The following BAD variants were observed in gnomAD, a reference collection of about 807,000 sequenced individuals.
The protein encoded by BAD is BCL2 associated agonist of cell death.
A neutral mutation model predicts 17.8 loss-of-function variants in BAD; 18 were observed. The observed-to-expected ratio is 1.01, with a 90% CI of 0.70 to 1.50. The LOEUF is 1.50. BAD is among the 40% of genes most tolerant of loss of function. The pLI is 0.00. For missense variants in BAD, 294 were observed against 239.3 expected (o/e 1.23, Z -1.51); for synonymous variants, 112 against 91.5 (o/e 1.22, Z -1.28).
intron 2 of BAD, chr11:64,276,833 G>C (rs1288039460): frequency 1.4e-6 from 1 of 709,018 alleles, no homozygotes; most frequent in Non-Finnish European, 2.6e-6. Flanking sequence ...CCTAGAGCCT[G>C]GCCCGGAGCT....
chr11:64,273,201 C>T (rs995823164), intron 2 of BAD, among the ~76,000 whole-genome samples: 27 of 151,998 alleles, frequency 1.8e-4, no homozygotes, highest in African/African-American at 5.8e-4. Context: ...GGTGAAACTC[C>T]GTCTCTACTA....
chr11:64,271,954 G>A (rs907602009), intron 2 of BAD, 151 bp from the exon 3 acceptor site: 2 of 518,868 alleles, frequency 3.9e-6, no homozygotes, highest in African/African-American at 4.0e-5. Context: ...CCAGTCCCTT[G>A]TATGTGAATC....
intron 3 of BAD, 126 bp downstream of exon 3, chr11:64,271,487 A>T (rs1035845915): frequency 8.0e-6 from 8 of 994,850 alleles, no homozygotes; most frequent in Non-Finnish European, 1.1e-5. Context: ...CTAGGAAGGA[A>T]CAGGACGGCT....
At chr11:64,280,162 AC>A (rs2033353069) in intron 2 of BAD, among the ~76,000 whole-genome samples, 1 of 150,576 alleles carries the variant, frequency 6.6e-6, no homozygotes, top group Non-Finnish European at 1.5e-5. Context: ...CTAAAAACAC[AC>A]AAAAAAATTA....
rs1008219417 is a variant in BAD, at chr11:64,269,845, G to A, written c.*364C>T. 25 of 695,586 alleles carry A rather than the reference G, an allele frequency of 3.6e-5. No individual in the cohort carries two copies. Among genetic ancestry groups the A allele is most frequent in the Admixed American group, 2.8e-4 (14 of 49,540 alleles). 43.1% of individuals were successfully genotyped at this position (695,586 alleles called of 1,614,324 possible). ...GAAAAGCCTCGGCGGCACAGACGCGGGCTTTATTAACATTTGGTAGTGAGC... is the reference window on the plus strand; with the variant it reads ...GAAAAGCCTCGGCGGCACAGACGCGAGCTTTATTAACATTTGGTAGTGAGC... On this transcript the variant is annotated 3_prime_UTR_variant, in exon 4 of 4. Coordinates refer to ENST00000309032, the MANE Select transcript of BAD (RefSeq NM_032989.3).
intron 2 of BAD, among the ~76,000 whole-genome samples, chr11:64,274,727 G>A (rs1279524601): frequency 5.3e-5 from 8 of 151,562 alleles, no homozygotes; most frequent in East Asian, 2.0e-4. Flanking sequence ...AGGCTGAGGC[G>A]GGAGAATCAC....
At chr11:64,280,006 A>C (rs997689969) in intron 2 of BAD, among the ~76,000 whole-genome samples, 5 of 151,870 alleles carry the variant, frequency 3.3e-5, no homozygotes, top group African/African-American at 1.2e-4. Context: ...CAACATAGCA[A>C]GACCTTGTCT....
intron 2 of BAD, among the ~76,000 whole-genome samples, chr11:64,280,358 A>ATAATT (rs1555069795): frequency 7.6e-6 from 1 of 132,312 alleles, no homozygotes. Context: ...AATAATAATA[A>ATAATT]TTTTTTTTTT....
At chr11:64,270,848 G>C (rs915901112) in intron 3 of BAD, among the ~76,000 whole-genome samples, 2 of 151,878 alleles carry the variant, frequency 1.3e-5, no homozygotes, top group Admixed American at 6.6e-5. Context: ...GGGAACCCAG[G>C]AGCTTTGGCC....
At chr11:64,270,436 G>T in intron 3 of BAD, 99 bp from the exon 4 acceptor site, 3 of 1,438,018 alleles carry the variant, frequency 2.1e-6, no homozygotes, top group Non-Finnish European at 2.8e-6. Context: ...AGATCGGGGG[G>T]GAGATAATGA....
chr11:64,283,596 A>G (rs2033629871), intron 2 of BAD, among the ~76,000 whole-genome samples: 1 of 152,220 alleles, frequency 6.6e-6, no homozygotes, highest in Non-Finnish European at 1.5e-5. Context: ...ACAGGGCAAG[A>G]AAGAACACAT....
In BAD at chr11:64,271,662, T is replaced by C. The variant is rs1565344892; in HGVS notation, c.329A>G (p.Tyr110Cys). 6.6e-7 allele frequency: 1 copy of C among 1,510,478 alleles called. No individual in the cohort carries two copies. The highest frequency in any genetic ancestry group is 1.2e-5 in the South Asian group (1 of 80,276). The allele number at this position is 1,510,478 out of a possible 1,614,324, so 93.6% of individuals were successfully genotyped here. Residue 110 changes from tyrosine to cysteine, a missense_variant, in exon 3 of 4, where the codon TAT becomes TGT. Transcript: ENST00000309032. ...APPNLWAAQR[Y>C]GRELRRMSDE... Reference sequence around the variant, plus strand: ...ACTCATCCTCCGGAGCTCGCGGCCATAGCGCTGTGCTGCCCAGAGGTTGGG... The same window carrying C: ...ACTCATCCTCCGGAGCTCGCGGCCACAGCGCTGTGCTGCCCAGAGGTTGGG...
rs199973522 is a variant in BAD at position 64,284,234 on chromosome 11, C to T, written c.135G>A (p.Leu45=). The T allele has an allele frequency of 6.2e-7, 1 of 1,608,314 alleles. No individual in the cohort carries two copies. The highest frequency in any genetic ancestry group is 1.3e-5 in the African/African-American group (1 of 74,860). Residue 45 remains leucine (L), a synonymous_variant, in exon 2 of 4, where the codon CTG becomes CTA. Transcript: ENST00000309032. ...GCTCCTGCTGGTGACTGGCGTCCCA[C>T]AGGAGGCCTGGGGCCTGGCGATGAT... The part of the protein sequence containing the change: ...GKHHRQAPGL[L]WDASHQQEQP...
intron 3 of BAD, 23 bp downstream of exon 3, chr11:64,271,590 G>T: frequency 7.1e-7 from 1 of 1,406,602 alleles, no homozygotes. Context: ...TCAGGTCCTG[G>T]CACGCTGGGG....
chr11:64,284,218 G>A lies in BAD; in HGVS notation c.151C>T (p.Gln51Ter). The change falls in exon 2 of 4, where the codon CAG (glutamine) becomes TAG (stop). Residue 51 changes from glutamine (Q) to a stop codon, truncating the protein, a stop_gained. Coordinates refer to ENST00000309032, the MANE Select transcript of BAD (RefSeq NM_032989.3). LOFTEE classifies it high-confidence loss of function. Reference sequence around the variant, plus strand: ...CTGCTGCTGGTTGGCTGCTCCTGCTGGTGACTGGCGTCCCACAGGAGGCCT... The same window carrying A: ...CTGCTGCTGGTTGGCTGCTCCTGCTAGTGACTGGCGTCCCACAGGAGGCCT... Reference protein sequence around the residue: ...APGLLWDASHQQEQPTSSSHH... With the variant: ...APGLLWDASH The A allele has an allele frequency of 6.2e-7, 1 of 1,605,048 alleles. No individual in the cohort carries two copies. Among genetic ancestry groups the A allele is most frequent in the South Asian group, 1.1e-5 (1 of 90,932 alleles).
chr11:64,282,455 G>C (rs1041388127), intron 2 of BAD, among the ~76,000 whole-genome samples: 9 of 152,156 alleles, frequency 5.9e-5, no homozygotes, highest in Admixed American at 4.6e-4. Context: ...TAAAAAATGA[G>C]CTGGTGTGGT....
chr11:64,277,744 G>A (rs2033168554), intron 2 of BAD, among the ~76,000 whole-genome samples: 1 of 152,096 alleles, frequency 6.6e-6, no homozygotes, highest in Non-Finnish European at 1.5e-5. Flanking sequence ...GCAAATGTTT[G>A]TTCACTTTCT....
chr11:64,276,298 T>TTGTGTGTGTATATA (rs55795317), intron 2 of BAD: 1 of 146,110 alleles, frequency 6.8e-6, no homozygotes, highest in Admixed American at 6.8e-5. Context: ...GTGTATATAT[T>TTGTGTGTGTATATA]TGTGTGTGTG....
intron 2 of BAD, among the ~76,000 whole-genome samples, chr11:64,280,163 CA>C (rs1456032249): frequency 1.3e-5 from 2 of 150,218 alleles, no homozygotes. Context: ...TAAAAACACA[CA>C]AAAAAATTAG....
Sources: allele counts gnomAD v4.1 joint callset (sites outside exome capture counted in the v4.1 genomes callset), GRCh38; gene constraint gnomAD v4.1.1; transcripts MANE v1.5; gene names NCBI Gene and HGNC (gene_info 2026-07-23, HGNC 2026-07-21).